The following ACTG2 variants were observed in gnomAD, a reference collection of about 807,000 sequenced individuals.
ACTG2 encodes the protein actin gamma 2, smooth muscle.
A neutral mutation model predicts 37.6 loss-of-function variants in ACTG2; 16 were observed. The observed-to-expected ratio is 0.43, with a 90% CI of 0.29 to 0.65. The LOEUF (loss-of-function observed/expected upper bound fraction) is 0.65. Among genes scored for constraint, ACTG2 ranks in the 30% least tolerant of loss-of-function variants. ACTG2 has a pLI of 0.18. For missense variants in ACTG2, 238 were observed against 490.9 expected (o/e 0.48, Z 4.87); for synonymous variants, 181 against 179.9 (o/e 1.01, Z -0.05).
At chr2:73,908,948 T>C in intron 4 of ACTG2, 107 bp from the exon 5 acceptor site, 5 of 1,299,958 alleles carry the variant, frequency 3.8e-6, no homozygotes, top group Non-Finnish European at 5.6e-6. Context: ...TAATGAACTA[T>C]CAAACTGGCA....
chr2:73,904,788 T>C (rs1304684040), intron 3 of ACTG2, among the ~76,000 whole-genome samples: 1 of 25,848 alleles, frequency 3.9e-5, no homozygotes, highest in East Asian at 7.8e-4. Context: ...TATATATATA[T>C]ATATATATAT....
intron 2 of ACTG2, among the ~76,000 whole-genome samples, 179 bp from the exon 3 acceptor site, chr2:73,902,181 T>C (rs1029632258): frequency 6.6e-6 from 1 of 152,102 alleles, no homozygotes; most frequent in African/African-American, 2.4e-5. Flanking sequence ...CCACCTTCTC[T>C]TCCTGACACC....
rs545928625 is a variant in ACTG2, at chr2:73,916,455, T to C, written c.806-129T>C. The C allele has an allele frequency of 1.2e-4, 93 of 754,622 alleles. No individual in the cohort carries two copies. The South Asian group carries it at 1.6e-3, about 13-fold the overall frequency. 46.7% of individuals were successfully genotyped at this position (754,622 alleles called of 1,614,324 possible). On this transcript the variant is annotated intron_variant, in intron 7 of 8. Transcript: ENST00000345517. ...CAAGGAAGGGGGTATGATCTTATAATCCTTCTGGGAGATATTAAGGTTCTG... is the reference window on the plus strand; with the variant it reads ...CAAGGAAGGGGGTATGATCTTATAACCCTTCTGGGAGATATTAAGGTTCTG...
intron 5 of ACTG2, among the ~76,000 whole-genome samples, chr2:73,909,575 G>A (rs114725609): frequency 6.6e-6 from 1 of 152,296 alleles, no homozygotes; most frequent in Non-Finnish European, 1.5e-5. Context: ...CCTAGACGCT[G>A]TAGCCTACTA....
intron 2 of ACTG2, 146 bp downstream of exon 2, chr2:73,901,583 T>TC: frequency 7.6e-6 from 1 of 130,826 alleles, no homozygotes. Context: ...TGTGTGTGTC[T>TC]GTGCGTGTGT....
intron 5 of ACTG2, among the ~76,000 whole-genome samples, 156 bp downstream of exon 5, chr2:73,909,295 T>C (rs189162431): frequency 7.1e-4 from 108 of 152,316 alleles, no homozygotes; most frequent in African/African-American, 2.5e-3. Flanking sequence ...CCATGTGGAA[T>C]GCCAGATGTG....
In ACTG2 at chr2:73,908,690, C is replaced by T; in HGVS notation, c.273C>T (p.Phe91=). 6.2e-7 allele frequency: 1 copy of T among 1,607,984 alleles called. No individual in the cohort carries two copies. The highest frequency in any genetic ancestry group is 1.1e-5 in the South Asian group (1 of 90,700). The change falls in exon 4 of 9, where the codon TTC becomes TTT. Residue 91 remains phenylalanine, a synonymous_variant. Transcript: ENST00000345517. ...TCCACTAGATCTGGCACCACTCCTT[C>T]TACAATGAGCTGCGTGTAGCACCTG... ...DDMEKIWHHS[F]YNELRVAPEE... is the part of the protein sequence containing the mutation.
At chr2:73,906,328 G>A (rs982640966) in intron 3 of ACTG2, among the ~76,000 whole-genome samples, 3 of 151,890 alleles carry the variant, frequency 2.0e-5, no homozygotes, top group African/African-American at 4.8e-5. Context: ...GTGGGCACCC[G>A]TAGTCCCAGC....
At chr2:73,897,478 G>C (rs1243641520) in intron 1 of ACTG2, among the ~76,000 whole-genome samples, 1 of 151,932 alleles carries the variant, frequency 6.6e-6, no homozygotes, top group African/African-American at 2.4e-5. Flanking sequence ...GGCCAGCTTG[G>C]AGAGAAGACT....
At chr2:73,899,653 C>G (rs1228475336) in intron 1 of ACTG2, among the ~76,000 whole-genome samples, 1 of 152,082 alleles carries the variant, frequency 6.6e-6, no homozygotes, top group Non-Finnish European at 1.5e-5. Flanking sequence ...GAGAAAGGGT[C>G]AAGAGTAGAG....
chr2:73,901,632 G>A (rs1490630204), intron 2 of ACTG2, 195 bp downstream of exon 2: 5 of 1,001,038 alleles, frequency 5.0e-6, no homozygotes, highest in African/African-American at 3.8e-5. Context: ...GTGTGTGCAC[G>A]CCAGGTGTAG....
chr2:73,909,382 A>T (rs557558753), intron 5 of ACTG2, among the ~76,000 whole-genome samples: 68 of 152,372 alleles, frequency 4.5e-4, no homozygotes, highest in African/African-American at 1.5e-3. Flanking sequence ...GAGCTTCTAC[A>T]CATACACACA....
intron 5 of ACTG2, among the ~76,000 whole-genome samples, chr2:73,910,385 TGAGACGGAGCC>T (rs1558626659): frequency 7.7e-6 from 1 of 130,016 alleles, no homozygotes; most frequent in Non-Finnish European, 1.6e-5. Flanking sequence ...TTTTTTTTTT[TGAGACGGAGCC>T]TTGCTCTGTC....
intron 1 of ACTG2, among the ~76,000 whole-genome samples, chr2:73,898,762 A>G (rs996617353): frequency 1.3e-5 from 2 of 149,926 alleles, no homozygotes; most frequent in African/African-American, 2.5e-5. Flanking sequence ...CTGCTCACAG[A>G]TGCTAAACAG....
At chr2:73,910,980 G>C (rs575161597) in intron 5 of ACTG2, among the ~76,000 whole-genome samples, 1 of 150,240 alleles carries the variant, frequency 6.7e-6, no homozygotes, top group South Asian at 2.1e-4. Context: ...CATTAGCCTC[G>C]GCCTACACAG....
chr2:73,913,771 A>T (rs1680195206), intron 6 of ACTG2, 125 bp downstream of exon 6: 5 of 826,530 alleles, frequency 6.0e-6, no homozygotes, highest in Non-Finnish European at 9.4e-6. Context: ...ATAGACTGAG[A>T]GGCCTTAAGC....
intron 5 of ACTG2, among the ~76,000 whole-genome samples, chr2:73,911,493 T>A (rs890495118): frequency 7.3e-5 from 11 of 151,602 alleles, no homozygotes; most frequent in East Asian, 3.9e-4. Flanking sequence ...AAAAAAAAAA[T>A]AAAAAAATAA....
intron 3 of ACTG2, among the ~76,000 whole-genome samples, chr2:73,907,733 A>G (rs1049351325): frequency 6.6e-6 from 1 of 152,210 alleles, no homozygotes; most frequent in African/African-American, 2.4e-5. Flanking sequence ...TTGCTTCCCA[A>G]AGGACATTTG....
chr2:73,906,555 A>G (rs1680020753), intron 3 of ACTG2, among the ~76,000 whole-genome samples: 2 of 152,170 alleles, frequency 1.3e-5, no homozygotes, highest in Admixed American at 1.3e-4. Flanking sequence ...GTCATAACTC[A>G]CTGTGGTCTT....
Sources: allele counts gnomAD v4.1 joint callset (sites outside exome capture counted in the v4.1 genomes callset), GRCh38; gene constraint gnomAD v4.1.1; transcripts MANE v1.5; gene names NCBI Gene and HGNC (gene_info 2026-07-23, HGNC 2026-07-21).